GP6: variants seen among roughly 807,000 people sequenced by gnomAD.
GP6 encodes glycoprotein VI platelet, also known as platelet glycoprotein VI.
GP6 carries 45 observed loss-of-function variants against 37.3 expected under a neutral mutation model. The observed-to-expected ratio is 1.21, with a 90% CI of 0.95 to 1.55. The LOEUF (loss-of-function observed/expected upper bound fraction) is 1.55, where lower values mean the gene tolerates loss of function less well. Among genes scored for constraint, GP6 ranks in the 40% most tolerant of loss-of-function variants. GP6 has a pLI of 0.00. For synonymous variants in GP6, 340 were observed against 316.4 expected (o/e 1.07, Z -0.79); for missense variants, 813 against 760.2 (o/e 1.07, Z -0.82).
In GP6 at chr19:55,030,156, C is replaced by T. The variant is rs190835469; in HGVS notation, c.325+1983G>A. Among the ~76,000 whole-genome samples, 13 of 151,406 alleles carry T rather than the reference C, an allele frequency of 8.6e-5. No homozygotes were observed. In the Admixed American group the frequency reaches 8.7e-4, roughly 10 times the overall value. ...CATTCTAGGCTTTTGTGGATGCAAGCGCATCAGTGCTATTTCCAAAACCTA... is the reference window on the plus strand; with the variant it reads ...CATTCTAGGCTTTTGTGGATGCAAGTGCATCAGTGCTATTTCCAAAACCTA... On this transcript the variant is annotated intron_variant, in intron 3 of 7. Transcript: ENST00000310373.
chr19:55,034,343 T>C (rs1319862846), intron 1 of GP6, among the ~76,000 whole-genome samples: 2 of 151,878 alleles, frequency 1.3e-5, no homozygotes, highest in African/African-American at 4.8e-5. Flanking sequence ...GATCACAAGG[T>C]CAGGAGTTCA....
At chr19:55,037,312 C>G (rs893734544) in intron 1 of GP6, among the ~76,000 whole-genome samples, 1 of 150,980 alleles carries the variant, frequency 6.6e-6, no homozygotes, top group Non-Finnish European at 1.5e-5. Context: ...AAATCCATAC[C>G]TAGTCCAGAT....
chr19:55,036,860 A>C (rs2074848838), intron 1 of GP6, among the ~76,000 whole-genome samples: 1 of 152,108 alleles, frequency 6.6e-6, no homozygotes, highest in Admixed American at 6.6e-5. Flanking sequence ...AAAATACAAT[A>C]ATTAGCCAGA....
intron 5 of GP6, among the ~76,000 whole-genome samples, chr19:55,024,316 GCA>G (rs59204488): frequency 0.077 from 10,769 of 140,202 alleles, 1,016 homozygotes; most frequent in African/African-American, 0.18. Flanking sequence ...ACATATGCAC[GCA>G]CACACACATA....
chr19:55,032,616 C>T, intron 1 of GP6, 78 bp from the exon 2 acceptor site: 1 of 1,360,644 alleles, frequency 7.3e-7, no homozygotes, highest in East Asian at 2.3e-5. Context: ...GGTGATAAGA[C>T]ATTTGCATGC....
Position 55,014,845 on chromosome 19 carries a change from C to T in GP6, c.1100G>A (p.Trp367Ter). ...CCTCTGCCCTCCTGCTTCCACGCTC[C>T]ACACACGCCAGTCTTTGAGTCGCCT... Residue 367 changes from tryptophan (W) to a stop codon, truncating the protein, a stop_gained, in exon 8 of 8, where the codon TGG (tryptophan) becomes TAG (stop). Transcript: ENST00000310373. LOFTEE classifies it low-confidence loss of function (END_TRUNC). The T allele has an allele frequency of 1.2e-6, 2 of 1,614,070 alleles. No homozygotes were observed. The highest frequency in any genetic ancestry group is 1.7e-6 in the Non-Finnish European group (2 of 1,180,008).
chr19:55,027,859 ACTC>A lies in GP6; in HGVS notation c.326_328del (p.Gly109del). On this transcript the variant is annotated inframe_deletion and splice_region_variant, in exon 4 of 8. Coordinates refer to ENST00000310373, the MANE Select transcript of GP6 (RefSeq NM_001083899.2). ...GGCTGAGAGCGAGGGTTTGGCAAAAACTCCTGGGAGAAAAAGAAAGTCTGATGT... is the reference window on the plus strand; with the variant it reads ...GGCTGAGAGCGAGGGTTTGGCAAAAACTGGGAGAAAAAGAAAGTCTGATGT... 6.2e-7 allele frequency: 1 copy of A among 1,613,922 alleles called. No homozygotes were observed.
chr19:55,019,132 G>T (rs2073984239), intron 5 of GP6, among the ~76,000 whole-genome samples: 2 of 136,310 alleles, frequency 1.5e-5, no homozygotes, highest in Non-Finnish European at 3.1e-5. Context: ...TTGAGACAGA[G>T]TCTCATTCTG....
At chr19:55,036,624 G>A (rs2074839112) in intron 1 of GP6, among the ~76,000 whole-genome samples, 1 of 152,156 alleles carries the variant, frequency 6.6e-6, no homozygotes, top group Non-Finnish European at 1.5e-5. Context: ...GGTTGAGCCT[G>A]GGAGGTTGAG....
chr19:55,021,621 C>G (rs62121978), intron 5 of GP6, among the ~76,000 whole-genome samples: 18 of 147,734 alleles, frequency 1.2e-4, no homozygotes, highest in Non-Finnish European at 4.5e-5. Flanking sequence ...CCCGGGTTCA[C>G]GCCATTCTCC....
chr19:55,018,865 C>T, intron 5 of GP6, 154 bp from the exon 6 acceptor site: 2 of 705,450 alleles, frequency 2.8e-6, no homozygotes, highest in Non-Finnish European at 2.6e-6. Flanking sequence ...AGGTGTAAGA[C>T]TTATCTTCCA....
chr19:55,029,149 G>T (rs1354835281), intron 3 of GP6, among the ~76,000 whole-genome samples: 1 of 150,366 alleles, frequency 6.7e-6, no homozygotes, highest in Non-Finnish European at 1.5e-5. Context: ...TATATAAGCT[G>T]CCTGATAACT....
intron 1 of GP6, among the ~76,000 whole-genome samples, chr19:55,037,367 C>T (rs1046682235): frequency 4.8e-5 from 7 of 145,798 alleles, no homozygotes; most frequent in East Asian, 4.0e-4. Context: ...GACGGAGTTT[C>T]GCTCTTGTTG....
chr19:55,015,244 A>G, intron 7 of GP6, 79 bp from the exon 8 acceptor site: 2 of 1,548,108 alleles, frequency 1.3e-6, no homozygotes, highest in South Asian at 1.2e-5. Context: ...TGGGCTTCTC[A>G]GAGATCCTAT....
At chr19:55,024,320 A>ACATGCACGCGCACG (rs1568613086) in intron 5 of GP6, among the ~76,000 whole-genome samples, 1 of 142,218 alleles carries the variant, frequency 7.0e-6, no homozygotes, top group Non-Finnish European at 1.6e-5. Context: ...ATGCACGCAC[A>ACATGCACGCGCACG]CACACATATG....
At chr19:55,029,893 G>A (rs1267178150) in intron 3 of GP6, among the ~76,000 whole-genome samples, 2 of 151,920 alleles carry the variant, frequency 1.3e-5, no homozygotes, top group Non-Finnish European at 2.9e-5. Context: ...GCTGTGGAGG[G>A]GAGTGAGGCA....
At chr19:55,033,331 C>T (rs1474579280) in intron 1 of GP6, among the ~76,000 whole-genome samples, 2 of 84,152 alleles carry the variant, frequency 2.4e-5, no homozygotes, top group African/African-American at 1.0e-4. Flanking sequence ...TGGACTCGTT[C>T]GTGTTGTGTT....
chr19:55,032,534 C>T lies in GP6; in HGVS notation c.39G>A (p.Leu13=). 1 of 1,613,804 alleles carries T rather than the reference C, an allele frequency of 6.2e-7. No individual in the cohort carries two copies. ...TCTGCGCTGGCACACGCCCCAGACACAGCCCTGAGGAAAGAAGAAAGGGAC... is the reference window on the plus strand; with the variant it reads ...TCTGCGCTGGCACACGCCCCAGACATAGCCCTGAGGAAAGAAGAAAGGGAC... Residue 13 remains leucine, a synonymous_variant, in exon 2 of 8, where the codon CTG becomes CTA. Coordinates refer to ENST00000310373, the MANE Select transcript of GP6 (RefSeq NM_001083899.2).
chr19:55,032,231 A>T lies in GP6; in HGVS notation c.233T>A (p.Met78Lys). 1 of 1,614,042 alleles carries T rather than the reference A, an allele frequency of 6.2e-7. No homozygotes were observed. The highest frequency in any genetic ancestry group is 8.5e-7 in the Non-Finnish European group (1 of 1,179,942). ...GTAGCGTCCAGCCAGACTTCTCTTC[A>T]TGGCCGGGATGAAGAGGACTGCCTG... Residue 78 changes from methionine (M) to lysine (K), a missense_variant, in exon 3 of 8, where the codon ATG (methionine) becomes AAG (lysine). Transcript: ENST00000310373.
Sources: allele counts gnomAD v4.1 joint callset (sites outside exome capture counted in the v4.1 genomes callset), GRCh38; gene constraint gnomAD v4.1.1; transcripts MANE v1.5; gene names NCBI Gene and HGNC (gene_info 2026-07-23, HGNC 2026-07-21).